UGT1A8: variants seen among roughly 807,000 people sequenced by gnomAD.
UGT1A8 encodes the protein UDP-glucuronosyltransferase 1A8.
In UGT1A8, 39 loss-of-function variants were observed where a neutral mutation model predicts 45.3. The ratio of observed to expected loss-of-function variants is 0.86; its 90% CI spans 0.67 to 1.12. UGT1A8 has a LOEUF of 1.12. UGT1A8 is among the 50% of genes most tolerant of loss of function. UGT1A8 has a pLI of 0.00. For missense variants in UGT1A8, 719 were observed against 664.9 expected (o/e 1.08, Z -0.90); for synonymous variants, 275 against 249.2 (o/e 1.10, Z -0.97).
At chr2:233,725,342 A>G (rs1368487533) in intron 1 of UGT1A8, among the ~76,000 whole-genome samples, 1 of 138,706 alleles carries the variant, frequency 7.2e-6, no homozygotes, top group Non-Finnish European at 1.6e-5. Flanking sequence ...CTTAAGTCCA[A>G]TAAGAATGTT....
chr2:233,760,282 G>A (rs2125981806), intron 1 of UGT1A8: 1 of 1,612,868 alleles, frequency 6.2e-7, no homozygotes, highest in Non-Finnish European at 8.5e-7. Flanking sequence ...CAGGAGCAAA[G>A]GCGCCATGGC....
intron 1 of UGT1A8, among the ~76,000 whole-genome samples, chr2:233,631,240 T>C (rs1473359487): frequency 2.0e-5 from 3 of 152,202 alleles, no homozygotes; most frequent in South Asian, 2.1e-4. Context: ...CAGGCTATCA[T>C]TGATGGGCAT....
At chr2:233,636,335 C>A in intron 1 of UGT1A8, 1 of 1,068,146 alleles carries the variant, frequency 9.4e-7, no homozygotes, top group South Asian at 2.1e-5. Flanking sequence ...GTAGGTATCT[C>A]AGCAAATGAT....
chr2:233,673,802 T>C (rs1020033009), intron 1 of UGT1A8, among the ~76,000 whole-genome samples: 3 of 152,200 alleles, frequency 2.0e-5, no homozygotes, highest in Non-Finnish European at 4.4e-5. Flanking sequence ...CCAGCCACAT[T>C]ACTAACTTAT....
intron 1 of UGT1A8, chr2:233,692,991 T>C (rs2075125373): frequency 6.2e-7 from 1 of 1,613,950 alleles, no homozygotes; most frequent in Non-Finnish European, 8.5e-7. Flanking sequence ...GTTGTTACTT[T>C]AACTCTTTCC....
At chr2:233,672,138 A>G in intron 1 of UGT1A8, 1 of 1,614,218 alleles carries the variant, frequency 6.2e-7, no homozygotes, top group South Asian at 1.1e-5. Flanking sequence ...AACTGGGAAG[A>G]TCACTGAATT....
chr2:233,619,302 T>C (rs919193384), intron 1 of UGT1A8, among the ~76,000 whole-genome samples: 9 of 152,316 alleles, frequency 5.9e-5, no homozygotes, highest in African/African-American at 1.9e-4. Flanking sequence ...TAAAAGTCTT[T>C]ACTTTGGATG....
chr2:233,737,300 G>T (rs1006795480), intron 1 of UGT1A8, among the ~76,000 whole-genome samples: 5 of 152,240 alleles, frequency 3.3e-5, no homozygotes, highest in Admixed American at 2.0e-4. Context: ...CCGCCTCACA[G>T]TTCAATCTCA....
chr2:233,675,826 T>C (rs1449220181), intron 1 of UGT1A8, among the ~76,000 whole-genome samples: 2 of 152,194 alleles, frequency 1.3e-5, no homozygotes, highest in Admixed American at 1.3e-4. Context: ...TGTCATTCCA[T>C]CACTGAACAA....
chr2:233,675,499 T>A (rs1177772032), intron 1 of UGT1A8, among the ~76,000 whole-genome samples: 1 of 152,148 alleles, frequency 6.6e-6, no homozygotes, highest in Non-Finnish European at 1.5e-5. Context: ...TGGGATATGG[T>A]TACAGATAAA....
intron 1 of UGT1A8, chr2:233,743,869 G>A (rs763783144): frequency 1.5e-5 from 21 of 1,367,022 alleles, no homozygotes; most frequent in Admixed American, 1.9e-5. Flanking sequence ...TGATGGCCTC[G>A]GATGAGGCCT....
At chr2:233,711,531 C>G (rs1251081299) in intron 1 of UGT1A8, among the ~76,000 whole-genome samples, 1 of 152,312 alleles carries the variant, frequency 6.6e-6, no homozygotes, top group South Asian at 2.1e-4. Context: ...CACAACTCCC[C>G]GGGAATCATC....
chr2:233,743,752 C>A, intron 1 of UGT1A8: 1 of 1,367,386 alleles, frequency 7.3e-7, no homozygotes, highest in Non-Finnish European at 9.8e-7. Context: ...CGTCCGACAA[C>A]ACCTCGTAGG....
At chr2:233,676,264 C>A (rs949142906) in intron 1 of UGT1A8, among the ~76,000 whole-genome samples, 1 of 152,176 alleles carries the variant, frequency 6.6e-6, no homozygotes, top group Non-Finnish European at 1.5e-5. Context: ...TGATGAATCA[C>A]CCCTGTGTGC....
intron 1 of UGT1A8, among the ~76,000 whole-genome samples, chr2:233,639,544 A>T (rs28969689): frequency 0.016 from 2,420 of 152,326 alleles, 57 homozygotes; most frequent in African/African-American, 0.055. Flanking sequence ...TCTGAGTCTC[A>T]TCTGTCTGAT....
At chr2:233,749,258 T>A (rs1694154027) in intron 1 of UGT1A8, among the ~76,000 whole-genome samples, 1 of 151,972 alleles carries the variant, frequency 6.6e-6, no homozygotes, top group African/African-American at 2.4e-5. Flanking sequence ...ATTTTTTTAT[T>A]GGTGATTTTC....
At chr2:233,639,386 G>T (rs1322239823) in intron 1 of UGT1A8, among the ~76,000 whole-genome samples, 1 of 152,142 alleles carries the variant, frequency 6.6e-6, no homozygotes, top group Non-Finnish European at 1.5e-5. Flanking sequence ...AAAGAGCCTT[G>T]GATATGGCCC....
At chr2:233,763,024 G>T (rs187872342) in intron 1 of UGT1A8, among the ~76,000 whole-genome samples, 17 of 152,244 alleles carry the variant, frequency 1.1e-4, no homozygotes, top group Middle Eastern at 3.4e-3. Flanking sequence ...CATTATGTTA[G>T]CCATTGTTTT....
intron 1 of UGT1A8, among the ~76,000 whole-genome samples, chr2:233,688,089 C>T (rs961987939): frequency 6.6e-6 from 1 of 152,206 alleles, no homozygotes; most frequent in African/African-American, 2.4e-5. Flanking sequence ...GCAGTCACTC[C>T]TTATTTCTCC....
Sources: allele counts gnomAD v4.1 joint callset (sites outside exome capture counted in the v4.1 genomes callset), GRCh38; gene constraint gnomAD v4.1.1; transcripts MANE v1.5; gene names NCBI Gene and HGNC (gene_info 2026-07-23, HGNC 2026-07-21).